RYR3: variants seen among roughly 807,000 people sequenced by gnomAD.
RYR3 encodes the protein ryanodine receptor 3.
RYR3 carries 207 observed loss-of-function variants against 584.3 expected under a neutral mutation model. The ratio of observed to expected loss-of-function variants is 0.35; its 90% CI spans 0.32 to 0.40. RYR3 has a LOEUF of 0.40. Among genes scored for constraint, RYR3 ranks in the 10% least tolerant of loss-of-function variants. RYR3 has a pLI of 1.00. For missense variants in RYR3, 5,616 were observed against 6,089.2 expected (o/e 0.92, Z 2.59); for synonymous variants, 2,416 against 2,248.5 (o/e 1.07, Z -2.11).
intron 87 of RYR3, 35 bp from the exon 88 acceptor site, chr15:33,836,871 A>G: frequency 1.9e-6 from 3 of 1,562,874 alleles, no homozygotes; most frequent in South Asian, 1.1e-5. Context: ...CTGAGGGATC[A>G]GATAGCTCAG....
intron 55 of RYR3, 52 bp downstream of exon 55, chr15:33,748,582 C>T: frequency 6.9e-7 from 1 of 1,447,582 alleles, no homozygotes; most frequent in Non-Finnish European, 9.6e-7. Context: ...GACGCATTAC[C>T]TTCCAAAGAG....
chr15:33,857,709 G>C, intron 98 of RYR3, 71 bp from the exon 99 acceptor site: 3 of 1,574,486 alleles, frequency 1.9e-6, no homozygotes, highest in Non-Finnish European at 2.6e-6. Flanking sequence ...CGTTTTCTTA[G>C]AGTCTCCTGT....
intron 1 of RYR3, among the ~76,000 whole-genome samples, chr15:33,325,252 A>T (rs1171620391): frequency 3.9e-5 from 6 of 152,180 alleles, no homozygotes; most frequent in Non-Finnish European, 5.9e-5. Context: ...ACCACTCTAT[A>T]GGACCCCTTT....
chr15:33,848,371 A>T lies in RYR3; in HGVS notation c.13578A>T (p.Pro4526=). 6.2e-7 allele frequency: 1 copy of T among 1,613,786 alleles called. No individual in the cohort carries two copies. The change falls in exon 94 of 104, where the codon CCA becomes CCT. Residue 4526 remains proline, a synonymous_variant. Coordinates refer to ENST00000634891, the MANE Select transcript of RYR3 (RefSeq NM_001036.6). ...EFDGLYITEQ[P]SEDDIKGQWD... is the part of the protein sequence containing the mutation. ...ATGGCCTATATATCACCGAACAGCC[A>T]TCTGAAGATGACATCAAGGGGCAGT...
chr15:33,438,330 G>C (rs2045917532), intron 1 of RYR3, among the ~76,000 whole-genome samples: 1 of 151,850 alleles, frequency 6.6e-6, no homozygotes, highest in Admixed American at 6.6e-5. Flanking sequence ...TCCACCCCCA[G>C]GCCATGGTAA....
In RYR3 at chr15:33,363,480, A is replaced by G. The variant is rs186020706; in HGVS notation, c.51+52384A>G. On this transcript the variant is annotated intron_variant, in intron 1 of 103. Transcript: ENST00000634891. ...AGCAGATTCTAACTAGTGGCATGGA[A>G]GCTCCTAGGATATGGCAGATGTTAA... Among the ~76,000 whole-genome samples the G allele has an allele frequency of 2.0e-5, 3 of 152,330 alleles. No individual in the cohort carries two copies. The East Asian group carries it at 5.8e-4, about 29-fold the overall frequency.
At chr15:33,682,754 A>G (rs1246402084) in intron 38 of RYR3, among the ~76,000 whole-genome samples, 1 of 152,152 alleles carries the variant, frequency 6.6e-6, no homozygotes, top group Non-Finnish European at 1.5e-5. Context: ...CATCGAGTGC[A>G]CTTGGCAAGG....
intron 21 of RYR3, 103 bp from the exon 22 acceptor site, chr15:33,629,837 T>C (rs1026843014): frequency 6.3e-5 from 39 of 617,234 alleles, no homozygotes; most frequent in Admixed American, 9.8e-5. Flanking sequence ...TTGCCTGATA[T>C]GGATTGCCTG....
At chr15:33,468,933 A>G (rs2048701087) in intron 1 of RYR3, among the ~76,000 whole-genome samples, 1 of 152,212 alleles carries the variant, frequency 6.6e-6, no homozygotes, top group African/African-American at 2.4e-5. Flanking sequence ...TAACTGCTCT[A>G]TACAGGCTTT....
chr15:33,730,013 A>G (rs1338527030), intron 47 of RYR3, among the ~76,000 whole-genome samples: 1 of 152,036 alleles, frequency 6.6e-6, no homozygotes, highest in African/African-American at 2.4e-5. Flanking sequence ...TATATATGAC[A>G]GTATTAGGGT....
At chr15:33,777,373 T>C (rs1012372857) in intron 64 of RYR3, among the ~76,000 whole-genome samples, 1 of 152,132 alleles carries the variant, frequency 6.6e-6, no homozygotes, top group Non-Finnish European at 1.5e-5. Flanking sequence ...GCTCAATCCC[T>C]CCTTGGGCTT....
chr15:33,636,310 C>A, intron 26 of RYR3, 66 bp from the exon 27 acceptor site: 2 of 1,381,434 alleles, frequency 1.4e-6, no homozygotes, highest in South Asian at 2.4e-5. Context: ...AAGATATGGT[C>A]ATTTCTCCAG....
At chr15:33,714,971 G>T (rs934635979) in intron 43 of RYR3, among the ~76,000 whole-genome samples, 2 of 152,228 alleles carry the variant, frequency 1.3e-5, no homozygotes, top group Non-Finnish European at 2.9e-5. Context: ...ACATTGGCAT[G>T]CCAAAATGAT....
intron 7 of RYR3, among the ~76,000 whole-genome samples, chr15:33,542,595 A>G (rs1272583815): frequency 1.3e-5 from 2 of 152,106 alleles, no homozygotes; most frequent in Non-Finnish European, 2.9e-5. Context: ...CTGAACTCAT[A>G]ACAGACTGTC....
At chr15:33,459,582 G>T (rs1343538274) in intron 1 of RYR3, among the ~76,000 whole-genome samples, 1 of 152,016 alleles carries the variant, frequency 6.6e-6, no homozygotes, top group African/African-American at 2.4e-5. Flanking sequence ...AAGACATAGG[G>T]TCTATGAGGG....
At chr15:33,590,698 A>G (rs544298565) in intron 16 of RYR3, among the ~76,000 whole-genome samples, 127 of 151,106 alleles carry the variant, frequency 8.4e-4, no homozygotes, top group Non-Finnish European at 1.7e-3. Flanking sequence ...TTCATATAAT[A>G]AGTTAGTGTT....
At chr15:33,558,084 T>C (rs2057187023) in intron 10 of RYR3, among the ~76,000 whole-genome samples, 1 of 150,796 alleles carries the variant, frequency 6.6e-6, no homozygotes, top group Non-Finnish European at 1.5e-5. Flanking sequence ...TCTGAGAACA[T>C]TCTTTTTTAA....
At chr15:33,494,216 C>T (rs971611151) in intron 2 of RYR3, among the ~76,000 whole-genome samples, 1 of 152,060 alleles carries the variant, frequency 6.6e-6, no homozygotes, top group African/African-American at 2.4e-5. Context: ...GTGATGCCTC[C>T]CTTACATAAG....
At position 33,580,102 on chromosome 15, in the gene RYR3, G is replaced by C; in HGVS notation, c.1395G>C (p.Lys465Asn). 6.2e-7 allele frequency: 1 copy of C among 1,612,658 alleles called. No homozygotes were observed. The highest frequency in any genetic ancestry group is 1.1e-5 in the South Asian group (1 of 90,782). ...TGCGACATGAAGACAAGCAGAACAA[G>C]CTCCGCTCACTCAAAAACAGACAAA... Reference protein sequence around the residue: ...EEMRHEDKQNKLRSLKNRQNL... With the variant: ...EEMRHEDKQNNLRSLKNRQNL... Residue 465 changes from lysine to asparagine, a missense_variant, in exon 13 of 104, where the codon AAG becomes AAC. This residue lies in a region of RYR3 where 1,284 missense variants were observed against 1,344.6 expected (regional missense o/e 0.95). Transcript: ENST00000634891.
Sources: gnomAD v4.1 joint callset for allele counts (sites outside exome capture counted in the v4.1 genomes callset) on GRCh38, gnomAD v4.1.1 for gene constraint, gnomAD v4.1.1 regional missense constraint, MANE v1.5 for transcripts, NCBI Gene and HGNC (gene_info 2026-07-23, HGNC 2026-07-21) for gene names.